ANO5: variants seen among roughly 807,000 people sequenced by gnomAD.
The protein encoded by ANO5 is anoctamin 5, also known as anoctamin-5.
ANO5 carries 109 observed loss-of-function variants against 121.0 expected under a neutral mutation model. The observed-to-expected ratio is 0.90, with a 90% confidence interval of 0.77 to 1.06. The LOEUF is 1.06. Among genes scored for constraint, ANO5 ranks in the 50% least tolerant of loss-of-function variants. The pLI is 0.00. For synonymous variants in ANO5, 406 were observed against 359.9 expected, an observed-to-expected ratio of 1.13 and a Z score of -1.45; for missense variants, 1,064 against 1,078.5, an observed-to-expected ratio of 0.99 and a Z score of 0.19.
At chr11:22,215,779 GA>G (rs1049625225) in intron 3 of ANO5, among the ~76,000 whole-genome samples, 46 of 151,844 alleles carry the variant, frequency 3.0e-4, no homozygotes, top group African/African-American at 9.9e-4. Context: ...AATTTATGTA[GA>G]AAATTTCCAT....
chr11:22,245,314 G>C (rs1181217088), intron 9 of ANO5, among the ~76,000 whole-genome samples: 1 of 152,086 alleles, frequency 6.6e-6, no homozygotes, highest in East Asian at 1.9e-4. Flanking sequence ...GGGATCCTGG[G>C]GGAGACCCCT....
At chr11:22,216,621 A>G (rs1056936217) in intron 3 of ANO5, among the ~76,000 whole-genome samples, 3 of 151,752 alleles carry the variant, frequency 2.0e-5, no homozygotes, top group Admixed American at 2.0e-4. Context: ...TATTGTGAAC[A>G]TTTTCTTCCA....
chr11:22,211,205 AC>A, intron 2 of ANO5, 58 bp from the exon 3 acceptor site: 1 of 1,565,314 alleles, frequency 6.4e-7, no homozygotes, highest in Non-Finnish European at 8.8e-7. Context: ...ACTTAAAAGC[AC>A]CCTTTGCTCC....
chr11:22,246,821 C>G (rs1429199919), intron 9 of ANO5, among the ~76,000 whole-genome samples: 2 of 143,752 alleles, frequency 1.4e-5, no homozygotes, highest in Non-Finnish European at 3.0e-5. Context: ...GCACCACTAC[C>G]CTACAACCTA....
At chr11:22,268,505 A>G (rs1318033491) in intron 17 of ANO5, among the ~76,000 whole-genome samples, 1 of 152,152 alleles carries the variant, frequency 6.6e-6, no homozygotes, top group South Asian at 2.1e-4. Context: ...AAACCCTAAT[A>G]TTGTTTCTAC....
chr11:22,233,611 C>T (rs536584201), intron 7 of ANO5, among the ~76,000 whole-genome samples: 19 of 152,084 alleles, frequency 1.2e-4, no homozygotes, highest in African/African-American at 4.3e-4. Flanking sequence ...AAAAAGAAGT[C>T]AGACTGAGCC....
chr11:22,278,291 A>G lies in ANO5; in HGVS notation c.2521-1253A>G, dbSNP rs1476123339. ...ACTCATTGAGCCCCTTAGATCTAAA[A>G]ACGTACTTACCCTTCAAGTTGAGAA... On this transcript the variant is annotated intron_variant, in intron 21 of 21. Coordinates refer to ENST00000324559, the MANE Select transcript of ANO5 (RefSeq NM_213599.3). Among the ~76,000 whole-genome samples, 42 of 151,660 alleles carry G rather than the reference A, an allele frequency of 2.8e-4. 2 individuals carry two copies. Among genetic ancestry groups the G allele is most frequent in the Non-Finnish European group, 3.0e-5 (2 of 67,676 alleles).
At chr11:22,231,057 C>T (rs1218249046) in intron 7 of ANO5, among the ~76,000 whole-genome samples, 1 of 151,930 alleles carries the variant, frequency 6.6e-6, no homozygotes, top group African/African-American at 2.4e-5. Flanking sequence ...CAAATCTCAC[C>T]ACACCTCTTA....
chr11:22,235,243 G>C (rs1445593954), intron 7 of ANO5, among the ~76,000 whole-genome samples: 1 of 151,686 alleles, frequency 6.6e-6, no homozygotes, highest in Non-Finnish European at 1.5e-5. Context: ...TTTCCACTTT[G>C]TTAACATCCC....
intron 17 of ANO5, among the ~76,000 whole-genome samples, chr11:22,267,863 T>G (rs539209129): frequency 5.4e-4 from 82 of 152,184 alleles, no homozygotes; most frequent in African/African-American, 1.9e-3. Flanking sequence ...TGAGAACATG[T>G]GGTATTTGGT....
intron 19 of ANO5, 56 bp downstream of exon 19, chr11:22,273,045 G>GA: frequency 6.7e-7 from 1 of 1,499,042 alleles, no homozygotes; most frequent in Non-Finnish European, 9.3e-7. Flanking sequence ...GGGGTGTGGG[G>GA]AGATGTGAAT....
chr11:22,221,119 A>G lies in ANO5; in HGVS notation c.203A>G (p.Lys68Arg). 2 of 1,611,720 alleles carry G rather than the reference A, an allele frequency of 1.2e-6. No individual in the cohort carries two copies. The highest frequency in any genetic ancestry group is 8.5e-7 in the Non-Finnish European group (1 of 1,178,542). ...RLMFQKNQQSKDSIFFRDGIR... is the reference protein window; with the variant it reads ...RLMFQKNQQSRDSIFFRDGIR... ...CAGTTTCAAAAAAATCAGCAAAGCA[A>G]AGATTCTATCTTCTTCCGAGATGGG... The change falls in exon 5 of 22, where the codon AAA (lysine) becomes AGA (arginine). Residue 68 changes from lysine (K) to arginine (R), a missense_variant. By Grantham distance (26) the Lys-to-Arg change is conservative. Coordinates refer to ENST00000324559, the MANE Select transcript of ANO5 (RefSeq NM_213599.3).
chr11:22,212,859 A>G (rs1852325377), intron 3 of ANO5, among the ~76,000 whole-genome samples: 1 of 147,950 alleles, frequency 6.8e-6, no homozygotes. Flanking sequence ...AGCTCTTTAT[A>G]TATATTTATT....
At chr11:22,276,338 A>T in intron 21 of ANO5, 139 bp downstream of exon 21, 1 of 731,708 alleles carries the variant, frequency 1.4e-6, no homozygotes, top group Admixed American at 2.1e-5. Context: ...AGTCATAAAA[A>T]GCACCTTAGG....
At chr11:22,248,592 G>T (rs956181595) in intron 9 of ANO5, among the ~76,000 whole-genome samples, 1 of 151,954 alleles carries the variant, frequency 6.6e-6, no homozygotes. Flanking sequence ...AGTTTAGTAA[G>T]ATAATTTGTA....
intron 20 of ANO5, among the ~76,000 whole-genome samples, chr11:22,275,341 G>C (rs894836937): frequency 4.7e-5 from 7 of 149,234 alleles, no homozygotes; most frequent in African/African-American, 1.7e-4. Flanking sequence ...CGCTTATCAA[G>C]GCCACTTAAT....
intron 1 of ANO5, among the ~76,000 whole-genome samples, chr11:22,198,779 C>G (rs1270005467): frequency 2.0e-5 from 3 of 152,064 alleles, no homozygotes; most frequent in Non-Finnish European, 4.4e-5. Context: ...CTCTCTAAGT[C>G]AATGTTAACT....
chr11:22,219,891 A>ACT (rs1852585075), intron 4 of ANO5, among the ~76,000 whole-genome samples: 1 of 139,264 alleles, frequency 7.2e-6, no homozygotes, highest in Non-Finnish European at 1.5e-5. Context: ...GGTTCCCTAG[A>ACT]TTTTTTTTTT....
chr11:22,273,504 A>G (rs1400149958), intron 19 of ANO5, among the ~76,000 whole-genome samples: 3 of 152,146 alleles, frequency 2.0e-5, no homozygotes, highest in Non-Finnish European at 4.4e-5. Context: ...CAGAATTGAA[A>G]TCATAGAGCT....
Sources: allele counts gnomAD v4.1 joint callset (sites outside exome capture counted in the v4.1 genomes callset), GRCh38; gene constraint gnomAD v4.1.1; transcripts MANE v1.5; gene names NCBI Gene and HGNC (gene_info 2026-07-23, HGNC 2026-07-21).